DIP2A: variants seen among roughly 807,000 people sequenced by gnomAD.
The protein encoded by DIP2A is disco-interacting protein 2 homolog A.
DIP2A carries 85 observed loss-of-function variants against 177.4 expected under a neutral mutation model. That is an observed-to-expected ratio of 0.48 (90% CI 0.40 to 0.57). The LOEUF is 0.57. Among genes scored for constraint, DIP2A ranks in the 20% least tolerant of loss-of-function variants. The pLI is 0.00. For synonymous variants in DIP2A, 886 were observed against 881.8 expected (o/e 1.00, Z -0.08); for missense variants, 1,791 against 2,100.2 (o/e 0.85, Z 2.88).
At chr21:46,551,098 C>T (rs1301473558) in intron 23 of DIP2A, among the ~76,000 whole-genome samples, 2 of 152,214 alleles carry the variant, frequency 1.3e-5, no homozygotes, top group Non-Finnish European at 2.9e-5. Flanking sequence ...ACGAGCTGGA[C>T]ACATCACATC....
At chr21:46,578,243 C>T in the DIP2A span, among the ~76,000 whole-genome samples, 2 of 152,006 alleles carry the variant, frequency 1.3e-5, no homozygotes, top group East Asian at 1.9e-4. Flanking sequence ...ACCTGGGAGG[C>T]GGTGGTTGCA....
chr21:46,496,646 C>T (rs1269900865), intron 3 of DIP2A, among the ~76,000 whole-genome samples: 1 of 152,316 alleles, frequency 6.6e-6, no homozygotes, highest in Middle Eastern at 3.4e-3. Context: ...TCAAAGCCCT[C>T]CTGAGCCATA....
chr21:46,462,930 G>T (rs187812709), intron 1 of DIP2A: 33 of 152,348 alleles, frequency 2.2e-4, no homozygotes, highest in African/African-American at 7.9e-4. Flanking sequence ...CTGAGGGAAG[G>T]TTCTGGTAGA....
At chr21:46,538,344 A>G in intron 15 of DIP2A, 139 bp from the exon 16 acceptor site, 1 of 1,265,198 alleles carries the variant, frequency 7.9e-7, no homozygotes. Context: ...GGCTGCAGAG[A>G]GCTTGTGACC....
chr21:46,504,231 A>G (rs1354766026), intron 5 of DIP2A, 130 bp from the exon 6 acceptor site: 1 of 1,300,704 alleles, frequency 7.7e-7, no homozygotes, highest in Non-Finnish European at 1.1e-6. Context: ...AAACAAATTA[A>G]TGAAAATACC....
intron 2 of DIP2A, among the ~76,000 whole-genome samples, chr21:46,489,601 G>T (rs911944698): frequency 3.3e-5 from 5 of 152,230 alleles, no homozygotes; most frequent in Admixed American, 2.0e-4. Context: ...CACTGCGCTT[G>T]TTGGGGCAGT....
intron 6 of DIP2A, among the ~76,000 whole-genome samples, chr21:46,508,884 T>A (rs2058161665): frequency 1.3e-5 from 2 of 151,978 alleles, no homozygotes; most frequent in East Asian, 3.9e-4. Flanking sequence ...CCAGGTGTGG[T>A]GGCGCATGCC....
At position 46,463,020 on chromosome 21, in the gene DIP2A, G is replaced by A. The variant is rs553784774; in HGVS notation, c.91+3798G>A. The A allele has an allele frequency of 2.6e-5, 4 of 152,332 alleles. No homozygotes were observed. In the South Asian group the frequency reaches 8.3e-4, roughly 32 times the overall value. 9.4% of individuals were successfully genotyped at this position (152,332 alleles called of 1,614,324 possible). A position where few individuals can be genotyped will look rare whatever the true frequency, so the allele number is the denominator to read the frequency against. ...CAAGAGGGAAATAAGGCATAGCTGTGTTCTTGCTCCTTAACTTTTCTGGCT... is the reference window on the plus strand; with the variant it reads ...CAAGAGGGAAATAAGGCATAGCTGTATTCTTGCTCCTTAACTTTTCTGGCT... On this transcript the variant is annotated intron_variant, in intron 1 of 37. Transcript: ENST00000417564.
chr21:46,460,570 C>T (rs1478021431), intron 1 of DIP2A, among the ~76,000 whole-genome samples: 3 of 152,208 alleles, frequency 2.0e-5, no homozygotes, highest in African/African-American at 7.2e-5. Context: ...TACAGTAAGT[C>T]ATTTAATCCT....
intron 6 of DIP2A, among the ~76,000 whole-genome samples, chr21:46,505,290 A>G: frequency 6.6e-6 from 1 of 152,294 alleles, no homozygotes; most frequent in Admixed American, 6.5e-5. Context: ...AGGGTAATTG[A>G]CATAATGAAT....
chr21:46,538,956 T>G lies in DIP2A; in HGVS notation c.1921+354T>G, dbSNP rs148536104. ...CCCTTTGTCCTGGTGCCCCCACGTC[T>G]CTGGCTTCTGGCTTCACTTCTCCCA... On this transcript the variant is annotated intron_variant, in intron 16 of 37. Coordinates refer to ENST00000417564, the MANE Select transcript of DIP2A (RefSeq NM_015151.4). 108 of 211,252 alleles carry G rather than the reference T, an allele frequency of 5.1e-4. 1 individual carries two copies. In the East Asian group the frequency reaches 0.015, roughly 30 times the overall value. The allele number at this position is 211,252 out of a possible 1,614,324, so 13.1% of individuals were successfully genotyped here.
At chr21:46,475,787 C>T (rs988890333) in intron 1 of DIP2A, among the ~76,000 whole-genome samples, 1 of 152,136 alleles carries the variant, frequency 6.6e-6, no homozygotes, top group Non-Finnish European at 1.5e-5. Context: ...TGTCATCTTC[C>T]CAACTTCTCT....
intron 1 of DIP2A, among the ~76,000 whole-genome samples, chr21:46,467,359 G>C (rs2054931944): frequency 6.7e-6 from 1 of 148,168 alleles, no homozygotes; most frequent in African/African-American, 2.6e-5. Flanking sequence ...TATTAGTTTT[G>C]TTTGTTTGTT....
At chr21:46,465,078 C>T (rs1824438269) in intron 1 of DIP2A, among the ~76,000 whole-genome samples, 2 of 151,970 alleles carry the variant, frequency 1.3e-5, no homozygotes, top group Non-Finnish European at 2.9e-5. Flanking sequence ...TGAAAAGAAA[C>T]TTTGAGGGAA....
At chr21:46,560,935 A>G (rs1236529511) in intron 33 of DIP2A, 152 bp downstream of exon 33, 1 of 985,232 alleles carries the variant, frequency 1.0e-6, no homozygotes, top group African/African-American at 1.7e-5. Context: ...GGCACATGAG[A>G]GGACAGCTGG....
In DIP2A at chr21:46,539,936, G is replaced by C; in HGVS notation, c.1981G>C (p.Glu661Gln). 6.2e-7 allele frequency: 1 copy of C among 1,614,060 alleles called. No homozygotes were observed. The highest frequency in any genetic ancestry group is 1.7e-5 in the Admixed American group (1 of 60,030). ...CTTCCAGTCCAGAGGTCTGAGGCCAGAGGTCATCTGTCCTTGTGCAAGTTC... is the reference window on the plus strand; with the variant it reads ...CTTCCAGTCCAGAGGTCTGAGGCCACAGGTCATCTGTCCTTGTGCAAGTTC... ...NVFQSRGLRP[E>Q]VICPCASSPE... Residue 661 changes from glutamate to glutamine, a missense_variant, in exon 17 of 38, where the codon GAG (glutamate) becomes CAG (glutamine). Physicochemically the swap from Glu to Gln is conservative, Grantham distance 29 (BLOSUM62 2). Transcript: ENST00000417564.
At chr21:46,551,967 G>A in intron 25 of DIP2A, 63 bp downstream of exon 25, 1 of 1,512,150 alleles carries the variant, frequency 6.6e-7, no homozygotes, top group Middle Eastern at 2.0e-4. Context: ...CCCTTTGCTT[G>A]TCTAGTTCAT....
downstream of DIP2A, among the ~76,000 whole-genome samples, chr21:46,570,479 A>G (rs894900222): frequency 6.6e-6 from 1 of 152,184 alleles, no homozygotes; most frequent in Non-Finnish European, 1.5e-5. Flanking sequence ...TCTTACTGAC[A>G]TGTAGGAGTC....
chr21:46,554,403 C>G lies in DIP2A; in HGVS notation c.3154+111C>G, dbSNP rs1428353891. On this transcript the variant is annotated intron_variant, in intron 26 of 37. Coordinates refer to ENST00000417564, the MANE Select transcript of DIP2A (RefSeq NM_015151.4). ...AGCATCTTCCAAAACTAAGCTCAGC[C>G]CCTCCTCTCTGCATGTGTCTGCCTC... The G allele has an allele frequency of 3.9e-6, 6 of 1,555,598 alleles. No homozygotes were observed. In the African/African-American group the frequency reaches 5.4e-5, roughly 14 times the overall value.
Sources: gnomAD v4.1 joint callset for allele counts (sites outside exome capture counted in the v4.1 genomes callset) on GRCh38, gnomAD v4.1.1 for gene constraint, MANE v1.5 for transcripts, NCBI Gene and HGNC (gene_info 2026-07-23, HGNC 2026-07-21) for gene names.